The following GSE1 variants were observed in gnomAD, a reference collection of about 807,000 sequenced individuals.
The protein encoded by GSE1 is Gse1 coiled-coil protein, also known as genetic suppressor element 1.
GSE1 carries 32 observed loss-of-function variants against 112.6 expected under a neutral mutation model. The ratio of observed to expected loss-of-function variants is 0.28; its 90% CI spans 0.21 to 0.38. The LOEUF is 0.38. Among genes scored for constraint, GSE1 ranks in the 10% least tolerant of loss-of-function variants. The pLI, the probability that GSE1 is intolerant of heterozygous loss-of-function variation, is 1.00. For missense variants in GSE1, 2,348 were observed against 1,699.2 expected (o/e 1.38, Z -6.71); for synonymous variants, 1,115 against 735.6 (o/e 1.52, Z -8.35).
At chr16:85,222,419 A>G (rs1345153084) in intron 1 of GSE1, among the ~76,000 whole-genome samples, 1 of 152,168 alleles carries the variant, frequency 6.6e-6, no homozygotes, top group African/African-American at 2.4e-5. Flanking sequence ...GGGTCGGCAC[A>G]TTCCACTTGG....
intron 1 of GSE1, among the ~76,000 whole-genome samples, chr16:85,309,321 A>T (rs2045765856): frequency 6.6e-6 from 1 of 151,786 alleles, no homozygotes; most frequent in Admixed American, 6.6e-5. Flanking sequence ...ACGTAGTGAG[A>T]CCCCTATCTC....
chr16:85,250,985 G>A (rs1328666809), intron 1 of GSE1, among the ~76,000 whole-genome samples: 3 of 152,248 alleles, frequency 2.0e-5, no homozygotes, highest in Non-Finnish European at 4.4e-5. Flanking sequence ...TGTAGCACAA[G>A]TCAAGGCTTC....
intron 1 of GSE1, among the ~76,000 whole-genome samples, chr16:85,246,292 C>G (rs372091445): frequency 4.4e-5 from 6 of 136,620 alleles, no homozygotes; most frequent in African/African-American, 1.7e-4. Context: ...GCTGTCTACA[C>G]ACACCCCACA....
chr16:85,651,361 A>G (rs2051338160), intron 3 of GSE1, among the ~76,000 whole-genome samples: 1 of 151,764 alleles, frequency 6.6e-6, no homozygotes, highest in Non-Finnish European at 1.5e-5. Context: ...AGCCACAGAC[A>G]TGTGGGTCTG....
At chr16:85,366,597 C>T (rs2047190673) in intron 2 of GSE1, among the ~76,000 whole-genome samples, 1 of 152,222 alleles carries the variant, frequency 6.6e-6, no homozygotes, top group African/African-American at 2.4e-5. Context: ...GGGACTTTTA[C>T]CCATGCTGGG....
chr16:85,404,591 A>AG (rs1438114567), intron 2 of GSE1, among the ~76,000 whole-genome samples: 8 of 52,428 alleles, frequency 1.5e-4, no homozygotes, highest in South Asian at 1.0e-3. Context: ...TGTTACACTC[A>AG]GGCCCCCCGG....
chr16:85,229,350 C>T (rs1451688356), intron 1 of GSE1, among the ~76,000 whole-genome samples: 3 of 152,300 alleles, frequency 2.0e-5, no homozygotes, highest in South Asian at 2.1e-4. Flanking sequence ...GTGTCAAGGC[C>T]GGGAGCGGGC....
intron 1 of GSE1, among the ~76,000 whole-genome samples, chr16:85,326,708 T>C (rs184132646): frequency 3.0e-4 from 46 of 152,354 alleles, no homozygotes; most frequent in African/African-American, 1.1e-3. Context: ...TATTTCGCCA[T>C]AGCAGCGTGA....
upstream of GSE1, chr16:85,554,887 G>C: frequency 2.0e-6 from 2 of 985,324 alleles, no homozygotes; most frequent in Non-Finnish European, 2.4e-6. Flanking sequence ...GTTTGCAAAC[G>C]GCCCCCGCTT....
chr16:85,211,626 C>T (rs1019451740), intron 1 of GSE1, among the ~76,000 whole-genome samples: 1 of 152,144 alleles, frequency 6.6e-6, no homozygotes, highest in Non-Finnish European at 1.5e-5. Context: ...GTGGCGGGAA[C>T]CACTTGGAGC....
chr16:85,590,242 G>C (rs200785155), intron 1 of GSE1, among the ~76,000 whole-genome samples: 4 of 151,608 alleles, frequency 2.6e-5, no homozygotes, highest in South Asian at 2.1e-4. Flanking sequence ...GTGTGTGAAC[G>C]TGTGGGCCCG....
At chr16:85,392,528 AGCCCATCAAACTGTGT>A (rs2047865324) in intron 2 of GSE1, among the ~76,000 whole-genome samples, 2 of 152,206 alleles carry the variant, frequency 1.3e-5, no homozygotes, top group Non-Finnish European at 2.9e-5. Flanking sequence ...AGTATTCTAA[AGCCCATCAAACTGTGT>A]GCTTTAAATG....
rs184959691 is a variant in GSE1 at position 85,538,097 on chromosome 16, G to A, written c.2465-95817G>A. Among the ~76,000 whole-genome samples the A allele has an allele frequency of 2.5e-3, 380 of 152,338 alleles. 1 individual carries two copies. Among genetic ancestry groups the A allele is most frequent in the Non-Finnish European group, 4.3e-3 (293 of 68,034 alleles). ...TGCTGGCCTCTCATCTCCCACAGCC[G>A]TAGCTGAATCAGGAGACCCAGGCCA... On this transcript the variant is annotated intron_variant, in intron 2 of 2. Coordinates refer to the GSE1 transcript ENST00000637419.
intron 2 of GSE1, among the ~76,000 whole-genome samples, chr16:85,460,106 A>G (rs1872194): frequency 0.029 from 4,359 of 152,220 alleles, 108 homozygotes; most frequent in East Asian, 0.12. Flanking sequence ...GTCCTGGGGG[A>G]TGCAATCTCC....
At chr16:85,640,864 C>T (rs1044638204) in intron 2 of GSE1, among the ~76,000 whole-genome samples, 26 of 152,238 alleles carry the variant, frequency 1.7e-4, no homozygotes, top group African/African-American at 4.1e-4. Flanking sequence ...GTGAGCGCCG[C>T]GGGCGTCCTC....
chr16:85,189,077 T>G (rs537380369), intron 1 of GSE1, among the ~76,000 whole-genome samples: 1 of 152,334 alleles, frequency 6.6e-6, no homozygotes, highest in African/African-American at 2.4e-5. Flanking sequence ...TCACCATTCC[T>G]TGAAGAGCCA....
chr16:85,491,382 C>G (rs939737680), intron 2 of GSE1, among the ~76,000 whole-genome samples: 3 of 152,122 alleles, frequency 2.0e-5, no homozygotes, highest in Non-Finnish European at 4.4e-5. Flanking sequence ...CCTACAGGAA[C>G]AGGAGAGGTG....
At chr16:85,565,855 T>A (rs1175204106) in intron 1 of GSE1, among the ~76,000 whole-genome samples, 2 of 152,192 alleles carry the variant, frequency 1.3e-5, no homozygotes, top group Non-Finnish European at 2.9e-5. Flanking sequence ...TGGGTCCCGA[T>A]GGCGAGGGTT....
Position 85,451,387 on chromosome 16 carries a change from C to G in GSE1, c.2464+93744C>G, listed in dbSNP as rs940054490. 2.0e-5 allele frequency among the ~76,000 whole-genome samples: 3 copies of G among 152,316 alleles called. No homozygotes were observed. In the South Asian group the frequency reaches 6.2e-4, roughly 32 times the overall value. Reference sequence around the variant, plus strand: ...TGTGCTGAGTGTGCCAGGGTTGAGACCCATCTAAGTTGGTGCGTGAGCTGG... The same window carrying G: ...TGTGCTGAGTGTGCCAGGGTTGAGAGCCATCTAAGTTGGTGCGTGAGCTGG... On this transcript the variant is annotated intron_variant, in intron 2 of 2. Transcript: ENST00000637419.
Sources: gnomAD v4.1 joint callset for allele counts (sites outside exome capture counted in the v4.1 genomes callset) on GRCh38, gnomAD v4.1.1 for gene constraint, MANE v1.5 for transcripts, NCBI Gene and HGNC (gene_info 2026-07-23, HGNC 2026-07-21) for gene names.